Variants in PRRX2 observed in about 807,000 individuals in gnomAD.
PRRX2 encodes the protein paired mesoderm homeobox protein 2.
A neutral mutation model predicts 18.0 loss-of-function variants in PRRX2; 11 were observed. That is an observed-to-expected ratio of 0.61 (90% CI 0.39 to 1.01). The LOEUF is 1.01. PRRX2 is among the 50% of genes least tolerant of loss of function. The probability of loss-of-function intolerance (pLI) is 0.01; values close to 1 mark genes in which losing one functional copy is unlikely to be tolerated. For missense variants in PRRX2, 387 were observed against 351.0 expected, an observed-to-expected ratio of 1.10 and a Z score of -0.82; for synonymous variants, 177 against 154.8, an observed-to-expected ratio of 1.14 and a Z score of -1.06.
intron 1 of PRRX2, among the ~76,000 whole-genome samples, chr9:129,677,600 G>A (rs1832175864): frequency 6.6e-6 from 1 of 152,244 alleles, no homozygotes; most frequent in Admixed American, 6.5e-5. Flanking sequence ...ACTGGGCCGT[G>A]GCATGGTCAG....
At chr9:129,706,116 G>A (rs995212107) in intron 1 of PRRX2, among the ~76,000 whole-genome samples, 1 of 151,960 alleles carries the variant, frequency 6.6e-6, no homozygotes, top group African/African-American at 2.4e-5. Flanking sequence ...ATTTTATTTC[G>A]TATATTTCAC....
chr9:129,712,483 CTT>C (rs1268279401), intron 1 of PRRX2, among the ~76,000 whole-genome samples: 1 of 152,182 alleles, frequency 6.6e-6, no homozygotes, highest in Non-Finnish European at 1.5e-5. Flanking sequence ...GGTGGGAACA[CTT>C]GATCATTTGG....
chr9:129,701,278 A>G (rs1445362373), intron 1 of PRRX2, among the ~76,000 whole-genome samples: 2 of 152,210 alleles, frequency 1.3e-5, no homozygotes, highest in African/African-American at 4.8e-5. Context: ...GAAGCAGTCT[A>G]CCTGCACCAT....
chr9:129,722,556 C>T lies in PRRX2; in HGVS notation c.*204C>T. ...GGCCACCAGAGACTGCAGCCCACAA[C>T]CCTTGGAGGGGTTGGGCCGGAAGGT... On this transcript the variant is annotated 3_prime_UTR_variant, in exon 4 of 4. Coordinates refer to ENST00000372469, the MANE Select transcript of PRRX2 (RefSeq NM_016307.4). 2.1e-6 allele frequency: 1 copy of T among 478,540 alleles called. No individual in the cohort carries two copies. Among genetic ancestry groups the T allele is most frequent in the Non-Finnish European group, 3.3e-6 (1 of 300,840 alleles). The allele number at this position is 478,540 out of a possible 1,614,324, so 29.6% of individuals were successfully genotyped here. A position where few individuals can be genotyped will look rare whatever the true frequency, so the allele number is the denominator to read the frequency against.
At chr9:129,682,517 C>G (rs1832245816) in intron 1 of PRRX2, among the ~76,000 whole-genome samples, 1 of 152,022 alleles carries the variant, frequency 6.6e-6, no homozygotes, top group African/African-American at 2.4e-5. Context: ...CTCCACTCCT[C>G]CGCCCCAGCC....
Position 129,715,099 on chromosome 9 carries a change from C to G in PRRX2, c.260-4132C>G, listed in dbSNP as rs1832686481. Reference sequence around the variant, plus strand: ...AGCGGTCCCGGCAATGAGACCAGCTCCACAGGGCCACCACGTGCTCCCTCC... The same window carrying G: ...AGCGGTCCCGGCAATGAGACCAGCTGCACAGGGCCACCACGTGCTCCCTCC... On this transcript the variant is annotated intron_variant, in intron 1 of 3. Coordinates refer to ENST00000372469, the MANE Select transcript of PRRX2 (RefSeq NM_016307.4). This position sits in a 1 kb window ranked among gnomAD's most constrained non-coding sequence, Gnocchi z 4.0. Among the ~76,000 whole-genome samples the G allele has an allele frequency of 6.6e-6, 1 of 152,182 alleles. No individual in the cohort carries two copies. The highest frequency in any genetic ancestry group is 1.5e-5 in the Non-Finnish European group (1 of 68,046).
chr9:129,677,090 C>T (rs971672496), intron 1 of PRRX2, among the ~76,000 whole-genome samples: 2 of 152,202 alleles, frequency 1.3e-5, no homozygotes, highest in Non-Finnish European at 2.9e-5. Context: ...ATTTGTTCAG[C>T]GCATGTGCGT....
intron 1 of PRRX2, among the ~76,000 whole-genome samples, chr9:129,691,113 TCAG>T (rs1832355430): frequency 6.8e-6 from 1 of 147,928 alleles, no homozygotes; most frequent in African/African-American, 2.5e-5. Context: ...TCACTTGAGG[TCAG>T]GAGTTCGGGA....
At chr9:129,669,759 G>A (rs549881432) in intron 1 of PRRX2, among the ~76,000 whole-genome samples, 1 of 152,262 alleles carries the variant, frequency 6.6e-6, no homozygotes, top group South Asian at 2.1e-4. Flanking sequence ...GGGGTCCCCA[G>A]GGCTCAGCTC....
At chr9:129,682,034 G>A (rs1397673526) in intron 1 of PRRX2, among the ~76,000 whole-genome samples, 1 of 152,192 alleles carries the variant, frequency 6.6e-6, no homozygotes, top group South Asian at 2.1e-4. Flanking sequence ...TGAGGAGGAG[G>A]CGTGGGTCTT....
chr9:129,721,049 A>T (rs1331967603), intron 3 of PRRX2, among the ~76,000 whole-genome samples: 1 of 152,194 alleles, frequency 6.6e-6, no homozygotes, highest in East Asian at 1.9e-4. Context: ...ATGCCTGCGT[A>T]TGCAAAGGAG....
intron 1 of PRRX2, among the ~76,000 whole-genome samples, chr9:129,712,650 C>T (rs1266241224): frequency 1.3e-5 from 2 of 152,142 alleles, no homozygotes; most frequent in African/African-American, 2.4e-5. Flanking sequence ...GGAGACAGCG[C>T]GAGACAGGCC....
chr9:129,680,131 G>T (rs1182702816), intron 1 of PRRX2, among the ~76,000 whole-genome samples: 3 of 152,168 alleles, frequency 2.0e-5, no homozygotes, highest in African/African-American at 7.2e-5. Context: ...GGCAGGCACG[G>T]TGGCTCATGC....
Position 129,665,736 on chromosome 9 carries a change from G to T in PRRX2, c.-132G>T. Reference sequence around the variant, plus strand: ...CCCCGACGTCAGCGCCGGGCGGGCCGCGAGGCTAGGAGGCGGCGGGAGCTG... The same window carrying T: ...CCCCGACGTCAGCGCCGGGCGGGCCTCGAGGCTAGGAGGCGGCGGGAGCTG... On this transcript the variant is annotated 5_prime_UTR_variant, in exon 1 of 4. Coordinates refer to ENST00000372469, the MANE Select transcript of PRRX2 (RefSeq NM_016307.4). The surrounding 1 kb of genome is among the most constrained non-coding windows in gnomAD (Gnocchi z 5.3). 2 of 660,590 alleles carry T rather than the reference G, an allele frequency of 3.0e-6. No homozygotes were observed. The highest frequency in any genetic ancestry group is 3.8e-6 in the Non-Finnish European group (2 of 530,262). 40.9% of individuals were successfully genotyped at this position (660,590 alleles called of 1,614,324 possible). A position where few individuals can be genotyped will look rare whatever the true frequency, so the allele number is the denominator to read the frequency against.
chr9:129,709,523 C>T lies in PRRX2; in HGVS notation c.260-9708C>T, dbSNP rs992937959. Among the ~76,000 whole-genome samples, 6 of 152,210 alleles carry T rather than the reference C, an allele frequency of 3.9e-5. No individual in the cohort carries two copies. The highest frequency in any genetic ancestry group is 2.9e-5 in the Non-Finnish European group (2 of 68,032). On this transcript the variant is annotated intron_variant, in intron 1 of 3. Coordinates refer to ENST00000372469, the MANE Select transcript of PRRX2 (RefSeq NM_016307.4). The surrounding 1 kb of genome is among the most constrained non-coding windows in gnomAD (Gnocchi z 4.2). The stretch of plus-strand genomic sequence containing the variant: ...AGCACGGCAGTCCCAGGTTGGGTGG[C>T]CCATGCCTCTCGCTCTTGTGTGCTG...
Position 129,715,747 on chromosome 9 carries a change from T to TTCTCTCTC in PRRX2, c.260-3480_260-3479insTCTCTCTC, listed in dbSNP as rs111270890. 0.014 allele frequency among the ~76,000 whole-genome samples: 1,544 copies of TTCTCTCTC among 112,728 alleles called. 12 individuals are homozygous for TTCTCTCTC. The highest frequency in any genetic ancestry group is 0.024 in the African/African-American group (723 of 30,702). 74.0% of individuals were successfully genotyped at this position (112,728 alleles called of 152,430 possible). A position where few individuals can be genotyped will look rare whatever the true frequency, so the allele number is the denominator to read the frequency against. ...TCCAAACCCAGCTTCAGGGACATCT[T>TTCTCTCTC]TCTCACACACACACACACACACACA... On this transcript the variant is annotated intron_variant, in intron 1 of 3. Transcript: ENST00000372469. The surrounding 1 kb of genome is among the most constrained non-coding windows in gnomAD (Gnocchi z 4.0).
rs1163702430 is a variant in PRRX2, at chr9:129,671,407, G to A, written c.259+5281G>A. Reference sequence around the variant, plus strand: ...CTGTCCAGTAGATCATCTGGGTGGAGCTTGGGGGCCTGGCACAGGGGGCTT... The same window carrying A: ...CTGTCCAGTAGATCATCTGGGTGGAACTTGGGGGCCTGGCACAGGGGGCTT... On this transcript the variant is annotated intron_variant, in intron 1 of 3. Transcript: ENST00000372469. The surrounding 1 kb of genome is among the most constrained non-coding windows in gnomAD (Gnocchi z 4.0). 6.6e-6 allele frequency among the ~76,000 whole-genome samples: 1 copy of A among 152,218 alleles called. No homozygotes were observed. Among genetic ancestry groups the A allele is most frequent in the Admixed American group, 6.5e-5 (1 of 15,292 alleles).
chr9:129,692,760 C>T (rs1832376762), intron 1 of PRRX2, among the ~76,000 whole-genome samples: 1 of 152,034 alleles, frequency 6.6e-6, no homozygotes, highest in Non-Finnish European at 1.5e-5. Flanking sequence ...GAGTAATATT[C>T]CTTTGTCTGG....
At chr9:129,705,195 G>A (rs939227621) in intron 1 of PRRX2, among the ~76,000 whole-genome samples, 2 of 127,922 alleles carry the variant, frequency 1.6e-5, no homozygotes, top group Non-Finnish European at 3.3e-5. Flanking sequence ...TAGTTTTGGG[G>A]TCTCAGGAAT....
Sources: allele counts gnomAD v4.1 joint callset (sites outside exome capture counted in the v4.1 genomes callset), GRCh38; gene constraint gnomAD v4.1.1; non-coding constraint Gnocchi (gnomAD v3.1); transcripts MANE v1.5; gene names NCBI Gene and HGNC (gene_info 2026-07-23, HGNC 2026-07-21).